The following IL17B variants were observed in gnomAD, a reference collection of about 807,000 sequenced individuals.
IL17B encodes interleukin-17B.
IL17B carries 14 observed loss-of-function variants against 14.7 expected under a neutral mutation model. The observed-to-expected ratio is 0.95, with a 90% CI of 0.63 to 1.49. The LOEUF is 1.49. Among genes scored for constraint, IL17B ranks in the 40% most tolerant of loss-of-function variants. IL17B has a pLI of 0.00. For synonymous variants in IL17B, 105 were observed against 94.8 expected (o/e 1.11, Z -0.62); for missense variants, 233 against 252.8 (o/e 0.92, Z 0.53).
chr5:149,381,588 C>A (rs899872632), upstream of IL17B, among the ~76,000 whole-genome samples: 3 of 152,244 alleles, frequency 2.0e-5, no homozygotes, highest in Non-Finnish European at 2.9e-5. Context: ...AAGAGGCAGG[C>A]CAGTCCTTGT....
At position 149,379,217 on chromosome 5, in the gene IL17B, C is replaced by G. The variant is rs1386970047; in HGVS notation, c.9G>C (p.Trp3Cys). The G allele has an allele frequency of 6.2e-7, 1 of 1,613,976 alleles. No homozygotes were observed. The highest frequency in any genetic ancestry group is 1.1e-5 in the South Asian group (1 of 91,072). Reference protein sequence around the residue: MDWPHNLLFLLTI... With the variant: MDCPHNLLFLLTI... ...AAGCGCCACGTACCAGGTTGTGAGG[C>G]CAGTCCATTCCGCCAAGCTGCAAGG... is the stretch of plus-strand genomic sequence containing the variant. The change falls in exon 1 of 3, where the codon TGG (tryptophan) becomes TGC (cysteine). Residue 3 changes from tryptophan (W) to cysteine (C), a missense_variant. Physicochemically the swap from Trp to Cys is radical, Grantham distance 215. Coordinates refer to ENST00000261796, the MANE Select transcript of IL17B (RefSeq NM_014443.3).
chr5:149,374,600 G>C lies in IL17B; in HGVS notation c.312C>G (p.Ser104Arg), dbSNP rs749401276. Residue 104 changes from serine (S) to arginine (R), a missense_variant and splice_region_variant, in exon 3 of 3, where the codon AGC becomes AGG. Coordinates refer to ENST00000261796, the MANE Select transcript of IL17B (RefSeq NM_014443.3). This position sits in a 1 kb window ranked among gnomAD's most constrained non-coding sequence, Gnocchi z 5.0. ...GGATACGGCTGGGGTCGTGGTTGAT[G>C]CTGCAGGGAGCAGAAGAAAGAGCAG... ...NKRSLSPWGY[S>R]INHDPSRIPV... The C allele has an allele frequency of 1.2e-5, 20 of 1,607,300 alleles. No homozygotes were observed. Among genetic ancestry groups the C allele is most frequent in the Middle Eastern group, 1.7e-4 (1 of 6,032 alleles).
intron 1 of IL17B, among the ~76,000 whole-genome samples, chr5:149,384,538 C>G (rs1057311229): frequency 6.6e-5 from 10 of 152,242 alleles, no homozygotes; most frequent in African/African-American, 2.4e-4. Flanking sequence ...CCAGAGTGCT[C>G]TGAACCTCAT....
chr5:149,396,406 A>G lies in IL17B; in HGVS notation n.95+7702T>C, dbSNP rs540790685. Among the ~76,000 whole-genome samples the G allele has an allele frequency of 2.6e-4, 39 of 152,346 alleles. No homozygotes were observed. In the South Asian group the frequency reaches 8.1e-3, roughly 32 times the overall value. ...GGCCAAAGTGAAGCATGTGCTAGGT[A>G]TTCTGTTAGATTTAGAGTTAATATA... On this transcript the variant is annotated intron_variant and non_coding_transcript_variant, in intron 1 of 2. Coordinates refer to the IL17B transcript ENST00000505432.
chr5:149,383,051 C>T (rs561794564), upstream of IL17B, among the ~76,000 whole-genome samples: 1 of 152,308 alleles, frequency 6.6e-6, no homozygotes, highest in African/African-American at 2.4e-5. Flanking sequence ...GCCCCTGCCC[C>T]TTCACTGCTG....
chr5:149,403,812 C>T (rs771647551), intron 1 of IL17B, among the ~76,000 whole-genome samples: 27 of 152,278 alleles, frequency 1.8e-4, no homozygotes, highest in Admixed American at 1.3e-4. Flanking sequence ...CTTGTTAGCC[C>T]ACTTCATCCT....
intron 1 of IL17B, among the ~76,000 whole-genome samples, chr5:149,396,592 C>CA (rs1192519097): frequency 1.3e-5 from 2 of 151,996 alleles, no homozygotes; most frequent in African/African-American, 4.8e-5. Context: ...CCCATCTCTA[C>CA]AAAAAATACA....
In IL17B at chr5:149,374,652, G is replaced by T. The variant is rs781581975; in HGVS notation, c.312-52C>A. The T allele has an allele frequency of 4.2e-6, 6 of 1,424,230 alleles. No individual in the cohort carries two copies. Among genetic ancestry groups the T allele is most frequent in the Non-Finnish European group, 5.9e-6 (6 of 1,023,906 alleles). The allele number at this position is 1,424,230 out of a possible 1,614,324, so 88.2% of individuals were successfully genotyped here. A position where few individuals can be genotyped will look rare whatever the true frequency, so the allele number is the denominator to read the frequency against. On this transcript the variant is annotated intron_variant, in intron 2 of 2. Coordinates refer to ENST00000261796, the MANE Select transcript of IL17B (RefSeq NM_014443.3). This position sits in a 1 kb window ranked among gnomAD's most constrained non-coding sequence, Gnocchi z 5.0. ...GCGGAAGGTGATCAGGAAAGGGCCA[G>T]TCAGCACCCATACTCCACACCCCTG...
At position 149,374,754 on chromosome 5, in the gene IL17B, T is replaced by G. The variant is rs1005767492; in HGVS notation, c.312-154A>C. On this transcript the variant is annotated intron_variant, in intron 2 of 2. Coordinates refer to ENST00000261796, the MANE Select transcript of IL17B (RefSeq NM_014443.3). This position sits in a 1 kb window ranked among gnomAD's most constrained non-coding sequence, Gnocchi z 5.0. ...GGAAAGGCAGTAATCAACTCCATGT[T>G]CCACGTGAGGAAACTGAAGATCATG... The G allele has an allele frequency of 8.3e-6, 5 of 600,248 alleles. No homozygotes were observed. Among genetic ancestry groups the G allele is most frequent in the Non-Finnish European group, 1.4e-5 (5 of 346,844 alleles). The allele number at this position is 600,248 out of a possible 1,614,324, so 37.2% of individuals were successfully genotyped here.
At chr5:149,390,144 A>G (rs1463623517) in intron 1 of IL17B, among the ~76,000 whole-genome samples, 1 of 151,864 alleles carries the variant, frequency 6.6e-6, no homozygotes, top group East Asian at 1.9e-4. Context: ...TACAGGAGGC[A>G]GGTGAAATAA....
intron 1 of IL17B, among the ~76,000 whole-genome samples, chr5:149,386,868 G>A (rs1446119605): frequency 6.6e-6 from 1 of 152,124 alleles, no homozygotes; most frequent in East Asian, 1.9e-4. Context: ...ACTATGCCTG[G>A]CTAATTTTTG....
chr5:149,400,007 CT>C (rs1481050511), intron 1 of IL17B, among the ~76,000 whole-genome samples: 1 of 152,144 alleles, frequency 6.6e-6, no homozygotes, highest in Non-Finnish European at 1.5e-5. Context: ...GCAAGCACCC[CT>C]ATATGGGTTT....
At chr5:149,378,010 G>A (rs1433990679) in intron 1 of IL17B, among the ~76,000 whole-genome samples, 1 of 152,110 alleles carries the variant, frequency 6.6e-6, no homozygotes, top group East Asian at 1.9e-4. Flanking sequence ...CGGGTGTGGT[G>A]GCGGGTGCCT....
At chr5:149,379,639 G>A (rs553195590), upstream of IL17B, among the ~76,000 whole-genome samples, 25 of 152,330 alleles carry the variant, frequency 1.6e-4, no homozygotes, top group African/African-American at 4.6e-4. Flanking sequence ...GGGATGGGCC[G>A]TTGGTTGGTC....
intron 1 of IL17B, among the ~76,000 whole-genome samples, chr5:149,394,627 A>G (rs1428393496): frequency 6.6e-6 from 1 of 152,244 alleles, no homozygotes; most frequent in Non-Finnish European, 1.5e-5. Flanking sequence ...AAACTGTATT[A>G]CAGGGATAGA....
At chr5:149,376,587 C>T (rs1758542888) in intron 2 of IL17B, 149 bp downstream of exon 2, 2 of 1,027,132 alleles carry the variant, frequency 1.9e-6, no homozygotes, top group Non-Finnish European at 2.8e-6. Flanking sequence ...TCCATTTGCC[C>T]AAAGCCTCAC....
intron 1 of IL17B, among the ~76,000 whole-genome samples, chr5:149,384,579 G>T (rs1036566168): frequency 1.3e-5 from 2 of 152,186 alleles, no homozygotes; most frequent in Admixed American, 1.3e-4. Flanking sequence ...GTCACCTTGG[G>T]CAAGTGACCT....
At position 149,379,184 on chromosome 5, in the gene IL17B, C is replaced by A. The variant is rs376976411; in HGVS notation, c.21+21G>T. 5.0e-6 allele frequency: 8 copies of A among 1,613,736 alleles called. No individual in the cohort carries two copies. In the Admixed American group the frequency reaches 1.3e-4, roughly 27 times the overall value. On this transcript the variant is annotated intron_variant, in intron 1 of 2. Transcript: ENST00000261796. ...GGGCTCTTAAAAAGGGGTGGGGGTG[C>A]GGCAGGGAAGCGCCACGTACCAGGT...
intron 1 of IL17B, among the ~76,000 whole-genome samples, chr5:149,399,450 G>A (rs1307711121): frequency 2.0e-5 from 3 of 152,160 alleles, no homozygotes; most frequent in Non-Finnish European, 1.5e-5. Flanking sequence ...AAATGGTAGT[G>A]GCGGGAAGTT....
Sources: gnomAD v4.1 joint callset for allele counts (sites outside exome capture counted in the v4.1 genomes callset) on GRCh38, gnomAD v4.1.1 for gene constraint, Gnocchi (gnomAD v3.1) non-coding constraint, MANE v1.5 for transcripts, NCBI Gene and HGNC (gene_info 2026-07-23, HGNC 2026-07-21) for gene names.